Variants in BCKDHB observed in about 807,000 individuals in gnomAD.
BCKDHB encodes 2-oxoisovalerate dehydrogenase subunit beta, mitochondrial.
In BCKDHB, 41 loss-of-function variants were observed where a neutral mutation model predicts 48.5. The observed-to-expected ratio is 0.85, with a 90% CI of 0.66 to 1.10. BCKDHB has a LOEUF of 1.10. Ranked by LOEUF, BCKDHB falls within the 50% of genes least tolerant of loss-of-function variation. The probability of loss-of-function intolerance (pLI) is 0.00; values close to 1 mark genes in which losing one functional copy is unlikely to be tolerated. For synonymous variants in BCKDHB, 201 were observed against 174.8 expected, an observed-to-expected ratio of 1.15 and a Z score of -1.18; for missense variants, 496 against 494.2, an observed-to-expected ratio of 1.00 and a Z score of -0.03.
the BCKDHB span, among the ~76,000 whole-genome samples, chr6:80,404,088 T>C: frequency 6.6e-6 from 1 of 152,004 alleles, no homozygotes; most frequent in African/African-American, 2.4e-5. Context: ...AATGCTGGCC[T>C]TGTGTTATCA....
At chr6:80,275,066 A>G (rs866008548) in intron 9 of BCKDHB, among the ~76,000 whole-genome samples, 1 of 152,076 alleles carries the variant, frequency 6.6e-6, no homozygotes, top group Non-Finnish European at 1.5e-5. Context: ...AATCGTATTT[A>G]TATAATAATA....
chr6:80,253,912 G>T (rs941445696), intron 8 of BCKDHB, among the ~76,000 whole-genome samples: 3 of 150,998 alleles, frequency 2.0e-5, no homozygotes, highest in African/African-American at 4.9e-5. Flanking sequence ...TATTAAAATA[G>T]AAATTAAAAA....
the BCKDHB span, among the ~76,000 whole-genome samples, chr6:80,460,022 T>C: frequency 6.6e-6 from 1 of 152,100 alleles, no homozygotes; most frequent in African/African-American, 2.4e-5. Flanking sequence ...TTTTTGAGGA[T>C]TGTTCCTTAT....
the BCKDHB span, among the ~76,000 whole-genome samples, chr6:80,455,444 C>T: frequency 1.3e-5 from 2 of 151,700 alleles, no homozygotes; most frequent in African/African-American, 4.8e-5. Flanking sequence ...GACTTGAAAA[C>T]TACTACTGTT....
chr6:80,169,822 A>G (rs1290708984), intron 5 of BCKDHB: 2 of 1,608,600 alleles, frequency 1.2e-6, no homozygotes, highest in Middle Eastern at 1.7e-4. Flanking sequence ...TCAAAGTTAT[A>G]AGCTTATCTT....
chr6:80,220,304 G>GTTTTTTTTTTTTTTTTTTTTCTTTTTTT (rs56967096), intron 8 of BCKDHB, among the ~76,000 whole-genome samples: 1 of 60,860 alleles, frequency 1.6e-5, no homozygotes, highest in African/African-American at 6.7e-5. Flanking sequence ...CATGCTATTT[G>GTTTTTTTTTTTTTTTTTTTTCTTTTTTT]TTTTTTTTTT....
intron 1 of BCKDHB, among the ~76,000 whole-genome samples, chr6:80,107,289 G>GATAT (rs35161169): frequency 0.36 from 51,154 of 141,512 alleles, 11,091 homozygotes; most frequent in Admixed American, 0.55. Context: ...GCATTTAAAA[G>GATAT]ATATATATAT....
chr6:80,333,465 T>A (rs1769424094), intron 9 of BCKDHB, among the ~76,000 whole-genome samples: 1 of 152,230 alleles, frequency 6.6e-6, no homozygotes, highest in South Asian at 2.1e-4. Context: ...TATTCCTTTT[T>A]TAAAACAGGC....
chr6:80,196,833 C>T (rs1379834362), intron 6 of BCKDHB, among the ~76,000 whole-genome samples: 1 of 127,390 alleles, frequency 7.8e-6, no homozygotes, highest in Non-Finnish European at 1.8e-5. Flanking sequence ...TTTGCATGTA[C>T]ACGGAAGTGT....
intron 1 of BCKDHB, among the ~76,000 whole-genome samples, chr6:80,109,680 A>T (rs1258543410): frequency 6.6e-6 from 1 of 152,200 alleles, no homozygotes; most frequent in Non-Finnish European, 1.5e-5. Context: ...TTTACTTAAG[A>T]ATTGAATATT....
At chr6:80,202,063 G>C in intron 7 of BCKDHB, among the ~76,000 whole-genome samples, 1 of 151,712 alleles carries the variant, frequency 6.6e-6, no homozygotes, top group East Asian at 1.9e-4. Flanking sequence ...CTATCCTTCT[G>C]TCCACTTTTT....
At chr6:80,198,081 T>A (rs1281080766) in intron 6 of BCKDHB, among the ~76,000 whole-genome samples, 1 of 152,176 alleles carries the variant, frequency 6.6e-6, no homozygotes, top group Admixed American at 6.5e-5. Context: ...GCTGGCAATC[T>A]TTTTCTGTAA....
intron 9 of BCKDHB, among the ~76,000 whole-genome samples, chr6:80,321,894 G>A (rs1336518160): frequency 6.6e-6 from 1 of 152,060 alleles, no homozygotes; most frequent in Non-Finnish European, 1.5e-5. Context: ...AATCAAATGT[G>A]TTTTCTGACT....
chr6:80,429,596 G>C, the BCKDHB span, among the ~76,000 whole-genome samples: 3 of 152,160 alleles, frequency 2.0e-5, no homozygotes, highest in Non-Finnish European at 4.4e-5. Context: ...CACATCCCTT[G>C]TAAGTTGGAT....
intron 3 of BCKDHB, among the ~76,000 whole-genome samples, chr6:80,132,173 T>C (rs1770663370): frequency 6.6e-6 from 1 of 152,046 alleles, no homozygotes; most frequent in Non-Finnish European, 1.5e-5. Flanking sequence ...CCCTGTCTGA[T>C]TACCTGGTAG....
At chr6:80,329,840 A>T (rs1443662848) in intron 9 of BCKDHB, among the ~76,000 whole-genome samples, 2 of 152,134 alleles carry the variant, frequency 1.3e-5, no homozygotes, top group African/African-American at 4.8e-5. Flanking sequence ...AGTCTCTATC[A>T]CAGACCCCTT....
At chr6:80,273,553 T>C (rs1478595315) in intron 9 of BCKDHB, among the ~76,000 whole-genome samples, 1 of 152,114 alleles carries the variant, frequency 6.6e-6, no homozygotes, top group Non-Finnish European at 1.5e-5. Flanking sequence ...ATCTTTTTAA[T>C]TTGAATCTGT....
intron 8 of BCKDHB, among the ~76,000 whole-genome samples, chr6:80,263,524 C>T (rs1472222005): frequency 4.6e-5 from 7 of 151,166 alleles, no homozygotes; most frequent in African/African-American, 1.7e-4. Context: ...TACCCAAAAA[C>T]CCAAAAGATT....
At chr6:80,456,211 A>T in the BCKDHB span, among the ~76,000 whole-genome samples, 1 of 151,756 alleles carries the variant, frequency 6.6e-6, no homozygotes, top group African/African-American at 2.4e-5. Context: ...GCGAAACTCC[A>T]TCTCAAAAAA....
Sources: allele counts gnomAD v4.1 joint callset (sites outside exome capture counted in the v4.1 genomes callset), GRCh38; gene constraint gnomAD v4.1.1; transcripts MANE v1.5; gene names NCBI Gene and HGNC (gene_info 2026-07-23, HGNC 2026-07-21).